Variants in SLMAP observed in about 807,000 individuals in gnomAD.
The protein encoded by SLMAP is sarcolemma associated protein, also known as sarcolemmal membrane-associated protein.
SLMAP carries 44 observed loss-of-function variants against 128.8 expected under a neutral mutation model. The ratio of observed to expected loss-of-function variants is 0.34; its 90% CI spans 0.27 to 0.44. The LOEUF is 0.44. Ranked by LOEUF, SLMAP falls within the 20% of genes least tolerant of loss-of-function variation. The pLI, the probability that SLMAP is intolerant of heterozygous loss-of-function variation, is 1.00. For missense variants in SLMAP, 787 were observed against 985.3 expected (o/e 0.80, Z 2.69); for synonymous variants, 327 against 348.8 (o/e 0.94, Z 0.70).
At chr3:57,760,141 T>C (rs1409776471) in intron 2 of SLMAP, among the ~76,000 whole-genome samples, 1 of 152,198 alleles carries the variant, frequency 6.6e-6, no homozygotes, top group Admixed American at 6.5e-5. Flanking sequence ...GGTTTCACCA[T>C]GTTGGCCAGG....
At chr3:57,905,481 A>T (rs1028820933) in intron 17 of SLMAP, among the ~76,000 whole-genome samples, 1 of 151,972 alleles carries the variant, frequency 6.6e-6, no homozygotes, top group African/African-American at 2.4e-5. Flanking sequence ...GGGTTTTACC[A>T]TGTTGCCTAG....
intron 21 of SLMAP, among the ~76,000 whole-genome samples, chr3:57,914,096 C>G (rs2096758569): frequency 6.6e-6 from 1 of 152,122 alleles, no homozygotes; most frequent in Non-Finnish European, 1.5e-5. Flanking sequence ...TTTCTAGTAT[C>G]TAATACTTGA....
intron 14 of SLMAP, among the ~76,000 whole-genome samples, chr3:57,877,831 CTTTT>C (rs57685937): frequency 6.3e-5 from 7 of 111,684 alleles, no homozygotes; most frequent in African/African-American, 2.0e-4. Context: ...TTTTTTCCTT[CTTTT>C]TTTTTTTTTT....
At chr3:57,777,049 A>C (rs1430493195) in intron 2 of SLMAP, among the ~76,000 whole-genome samples, 1 of 145,668 alleles carries the variant, frequency 6.9e-6, no homozygotes, top group African/African-American at 2.5e-5. Context: ...TGCCAACACA[A>C]TACCTTTCTC....
intron 2 of SLMAP, among the ~76,000 whole-genome samples, chr3:57,778,879 A>G (rs910738965): frequency 6.6e-6 from 1 of 152,084 alleles, no homozygotes; most frequent in Non-Finnish European, 1.5e-5. Flanking sequence ...CATTTTGACA[A>G]ACAGTGTGAC....
chr3:57,917,789 C>T (rs1250791912), intron 22 of SLMAP: 1 of 152,304 alleles, frequency 6.6e-6, no homozygotes, highest in Non-Finnish European at 1.5e-5. Context: ...ATACCACTCC[C>T]TGCATTGACT....
intron 15 of SLMAP, among the ~76,000 whole-genome samples, chr3:57,895,003 T>C (rs763717137): frequency 6.6e-6 from 1 of 151,956 alleles, no homozygotes; most frequent in Non-Finnish European, 1.5e-5. Context: ...CCCTAAAGAA[T>C]GCCATAGGCC....
At chr3:57,918,178 A>T (rs1459807711) in intron 22 of SLMAP, 1 of 152,220 alleles carries the variant, frequency 6.6e-6, no homozygotes, top group African/African-American at 2.4e-5. Flanking sequence ...TTTGGTTGGA[A>T]CACAAATTTT....
chr3:57,863,588 G>A (rs375843637), intron 10 of SLMAP, among the ~76,000 whole-genome samples: 5 of 152,304 alleles, frequency 3.3e-5, no homozygotes, highest in South Asian at 2.1e-4. Context: ...GAGCTGGTAC[G>A]TGTTCCATGG....
intron 14 of SLMAP, among the ~76,000 whole-genome samples, chr3:57,880,816 G>A (rs537786663): frequency 2.6e-5 from 4 of 152,116 alleles, no homozygotes; most frequent in African/African-American, 4.8e-5. Context: ...GCCCTGGAGC[G>A]GGAGGCTGCA....
intron 21 of SLMAP, among the ~76,000 whole-genome samples, chr3:57,913,814 C>T (rs896083494): frequency 8.6e-5 from 13 of 151,924 alleles, no homozygotes; most frequent in Admixed American, 4.6e-4. Flanking sequence ...AAAAATTTAC[C>T]GGGCATAGTG....
At chr3:57,837,639 G>A (rs1392707158) in intron 3 of SLMAP, among the ~76,000 whole-genome samples, 1 of 152,154 alleles carries the variant, frequency 6.6e-6, no homozygotes, top group Admixed American at 6.5e-5. Context: ...AAAGTACTGG[G>A]ATTACAGGCG....
chr3:57,776,506 TTCTC>T lies in SLMAP; in HGVS notation c.198+18671_198+18674del, dbSNP rs397932536. Among the ~76,000 whole-genome samples the T allele has an allele frequency of 5.4e-3, 696 of 129,016 alleles. 5 individuals carry two copies. The highest frequency in any genetic ancestry group is 8.5e-3 in the Middle Eastern group (2 of 234). The allele number at this position is 129,016 out of a possible 152,430, so 84.6% of individuals were successfully genotyped here. On this transcript the variant is annotated intron_variant, in intron 2 of 24. Transcript: ENST00000671191. ...TCCACAATTCTCCCTGATTTGTCCC[TTCTC>T]TCTCTCTCTCTCTTTTTTTTTTTTT...
rs777063056 is a variant in SLMAP at position 57,847,251 on chromosome 3, A to G, written c.456+18A>G. 7 of 1,597,236 alleles carry G rather than the reference A, an allele frequency of 4.4e-6. No individual in the cohort carries two copies. Among genetic ancestry groups the G allele is most frequent in the Admixed American group, 1.7e-5 (1 of 59,546 alleles). On this transcript the variant is annotated intron_variant, in intron 5 of 24. Transcript: ENST00000671191. The stretch of plus-strand genomic sequence containing the variant: ...TTGACAAAGTAAGTTGCTAATGATT[A>G]TTTTTTCCAAACTGACTCAGCTATG...
In SLMAP at chr3:57,873,009, C is replaced by G. The variant is rs559453924; in HGVS notation, c.1300+1311C>G. Among the ~76,000 whole-genome samples the G allele has an allele frequency of 3.3e-5, 5 of 152,264 alleles. No homozygotes were observed. The South Asian group carries it at 1.0e-3, about 32-fold the overall frequency. The stretch of plus-strand genomic sequence containing the variant: ...GCGCTTGGGGGTTCTATGGGTCATA[C>G]CTGGTAATTAAAACAGACACAAATT... On this transcript the variant is annotated intron_variant, in intron 14 of 24. Coordinates refer to ENST00000671191, the MANE Select transcript of SLMAP (RefSeq NM_001377540.1).
chr3:57,823,611 G>A (rs1337310521), intron 2 of SLMAP, among the ~76,000 whole-genome samples: 5 of 152,152 alleles, frequency 3.3e-5, no homozygotes, highest in Non-Finnish European at 7.3e-5. Flanking sequence ...TCTTAATCCA[G>A]TCTATCATTG....
rs771376100 is a variant in SLMAP, at chr3:57,860,673, A to G, written c.688-26A>G. ...AATGCTTTTAAAAAATAACTTGTCTATAATTATAAATATCTTTTATTGTAG... is the reference window on the plus strand; with the variant it reads ...AATGCTTTTAAAAAATAACTTGTCTGTAATTATAAATATCTTTTATTGTAG... On this transcript the variant is annotated intron_variant, in intron 8 of 24. Transcript: ENST00000671191. The G allele has an allele frequency of 5.9e-5, 87 of 1,475,442 alleles. No homozygotes were observed. The Middle Eastern group carries it at 1.2e-3, about 20-fold the overall frequency. The allele number at this position is 1,475,442 out of a possible 1,614,324, so 91.4% of individuals were successfully genotyped here.
chr3:57,851,477 GTT>G (rs1179331421), intron 6 of SLMAP, among the ~76,000 whole-genome samples: 1 of 133,570 alleles, frequency 7.5e-6, no homozygotes. Context: ...TTTTGTTTTT[GTT>G]TTTTTTTTTT....
chr3:57,877,268 T>C (rs2095625691), intron 14 of SLMAP, among the ~76,000 whole-genome samples: 1 of 152,190 alleles, frequency 6.6e-6, no homozygotes, highest in Non-Finnish European at 1.5e-5. Context: ...AGGGCTTTGC[T>C]CTCACATAGA....
Sources: allele counts gnomAD v4.1 joint callset (sites outside exome capture counted in the v4.1 genomes callset), GRCh38; gene constraint gnomAD v4.1.1; transcripts MANE v1.5; gene names NCBI Gene and HGNC (gene_info 2026-07-23, HGNC 2026-07-21).